The following PDZRN4 variants were observed in gnomAD, a reference collection of about 807,000 sequenced individuals.
PDZRN4 encodes PDZ domain containing ring finger 4, also known as PDZ domain-containing RING finger protein 4.
PDZRN4 carries 70 observed loss-of-function variants against 99.0 expected under a neutral mutation model. The ratio of observed to expected loss-of-function variants is 0.71; its 90% CI spans 0.58 to 0.86. The LOEUF is 0.86. Ranked by LOEUF, PDZRN4 falls within the 40% of genes least tolerant of loss-of-function variation. PDZRN4 has a pLI of 0.00. For synonymous variants in PDZRN4, 551 were observed against 501.6 expected, an observed-to-expected ratio of 1.10 and a Z score of -1.32; for missense variants, 1,474 against 1,331.2, an observed-to-expected ratio of 1.11 and a Z score of -1.67.
chr12:41,482,943 A>T (rs1305148343), intron 3 of PDZRN4, among the ~76,000 whole-genome samples: 1 of 152,028 alleles, frequency 6.6e-6, no homozygotes, highest in Non-Finnish European at 1.5e-5. Context: ...AACATTTTTA[A>T]TATTATGCAA....
chr12:41,246,907 G>A (rs1035143727), intron 3 of PDZRN4, among the ~76,000 whole-genome samples: 2 of 152,058 alleles, frequency 1.3e-5, no homozygotes, highest in African/African-American at 4.8e-5. Flanking sequence ...TACTCTGAAA[G>A]GTACAGAGAT....
intron 3 of PDZRN4, among the ~76,000 whole-genome samples, chr12:41,284,010 G>A (rs1175766613): frequency 1.3e-5 from 2 of 152,098 alleles, no homozygotes; most frequent in Non-Finnish European, 2.9e-5. Flanking sequence ...TTCTGGCCAG[G>A]GTAATCAGGC....
In PDZRN4 at chr12:41,276,022, T is replaced by C. The variant is rs141195542; in HGVS notation, c.843+81834T>C. ...TTATATGCTTTTCTATCTTGGTAGA[T>C]GTGGTTGACTAGCAGTAGTTTCACA... is the stretch of plus-strand genomic sequence containing the variant. On this transcript the variant is annotated intron_variant, in intron 3 of 9. Transcript: ENST00000402685. Among the ~76,000 whole-genome samples the C allele has an allele frequency of 4.8e-3, 729 of 152,262 alleles. 9 individuals are homozygous for C. The highest frequency in any genetic ancestry group is 0.016 in the African/African-American group (674 of 41,550).
chr12:41,481,757 T>C (rs1490704747), intron 3 of PDZRN4, among the ~76,000 whole-genome samples: 2 of 152,132 alleles, frequency 1.3e-5, no homozygotes, highest in Non-Finnish European at 2.9e-5. Context: ...TTATTGTTTA[T>C]CTTTTTTATG....
chr12:41,387,133 A>C (rs947871707), intron 3 of PDZRN4, among the ~76,000 whole-genome samples: 3 of 152,212 alleles, frequency 2.0e-5, no homozygotes, highest in African/African-American at 7.2e-5. Flanking sequence ...ATCTAATTAA[A>C]CTAAAGAGCT....
At chr12:41,501,739 A>G (rs1359109243) in intron 3 of PDZRN4, among the ~76,000 whole-genome samples, 1 of 152,192 alleles carries the variant, frequency 6.6e-6, no homozygotes, top group Non-Finnish European at 1.5e-5. Context: ...GTATCTAAAA[A>G]TTTACATGTG....
At chr12:41,203,940 T>C (rs1327830256) in intron 3 of PDZRN4, among the ~76,000 whole-genome samples, 3 of 151,976 alleles carry the variant, frequency 2.0e-5, no homozygotes, top group Non-Finnish European at 4.4e-5. Flanking sequence ...AATCCCAAAG[T>C]AAATTTCACT....
intron 3 of PDZRN4, among the ~76,000 whole-genome samples, chr12:41,344,856 C>G (rs1402609816): frequency 2.0e-5 from 3 of 151,180 alleles, no homozygotes; most frequent in African/African-American, 4.9e-5. Context: ...TAAAGTGCAG[C>G]TTTTCAAACA....
At chr12:41,466,639 A>AG (rs1044558062) in intron 3 of PDZRN4, among the ~76,000 whole-genome samples, 5 of 151,678 alleles carry the variant, frequency 3.3e-5, no homozygotes, top group African/African-American at 4.8e-5. Flanking sequence ...AAAAACGTGG[A>AG]GGGGGGGACA....
chr12:41,549,755 A>G (rs1302290105), intron 5 of PDZRN4, among the ~76,000 whole-genome samples: 1 of 152,212 alleles, frequency 6.6e-6, no homozygotes, highest in South Asian at 2.1e-4. Context: ...AATTATTTGT[A>G]TGTCTCAAGA....
intron 3 of PDZRN4, among the ~76,000 whole-genome samples, chr12:41,211,466 T>G (rs937894251): frequency 4.8e-5 from 7 of 145,506 alleles, no homozygotes; most frequent in African/African-American, 8.1e-5. Context: ...AATAGATCTG[T>G]TTTTTTTTCT....
intron 3 of PDZRN4, among the ~76,000 whole-genome samples, chr12:41,333,731 T>G (rs1257925451): frequency 6.6e-6 from 1 of 152,152 alleles, no homozygotes; most frequent in African/African-American, 2.4e-5. Context: ...TCATAGACTA[T>G]TGAGCATTAA....
chr12:41,514,448 T>C (rs918133615), intron 5 of PDZRN4, among the ~76,000 whole-genome samples: 3 of 152,094 alleles, frequency 2.0e-5, no homozygotes, highest in Non-Finnish European at 4.4e-5. Context: ...AGGATAATTA[T>C]TAACTACATT....
At chr12:41,261,845 C>T (rs991698160) in intron 3 of PDZRN4, among the ~76,000 whole-genome samples, 10 of 152,086 alleles carry the variant, frequency 6.6e-5, no homozygotes, top group Non-Finnish European at 1.0e-4. Context: ...TCTACCAAAT[C>T]CAGCAATTTA....
chr12:41,244,715 T>C, intron 3 of PDZRN4, among the ~76,000 whole-genome samples: 1 of 141,350 alleles, frequency 7.1e-6, no homozygotes, highest in East Asian at 2.2e-4. Context: ...TCTCGCTCTG[T>C]CGCCCAGGCC....
intron 3 of PDZRN4, among the ~76,000 whole-genome samples, chr12:41,352,191 A>C (rs1049133288): frequency 6.6e-6 from 1 of 152,064 alleles, no homozygotes; most frequent in Non-Finnish European, 1.5e-5. Flanking sequence ...CAGTATTAAC[A>C]GATTAAATGG....
intron 3 of PDZRN4, among the ~76,000 whole-genome samples, chr12:41,375,204 C>G (rs1162023897): frequency 1.3e-5 from 2 of 152,176 alleles, no homozygotes; most frequent in Non-Finnish European, 2.9e-5. Flanking sequence ...AACCACCCAG[C>G]TAAGCTGTTC....
chr12:41,563,021 T>C (rs1274763587), intron 7 of PDZRN4, among the ~76,000 whole-genome samples: 2 of 152,208 alleles, frequency 1.3e-5, no homozygotes, highest in Admixed American at 6.5e-5. Context: ...CTGACGATGA[T>C]GTTTGGGCAA....
At chr12:41,270,311 G>T (rs922217229) in intron 3 of PDZRN4, among the ~76,000 whole-genome samples, 1 of 145,100 alleles carries the variant, frequency 6.9e-6, no homozygotes, top group East Asian at 2.0e-4. Context: ...CTGTGTGTGT[G>T]GTGTGTGTGT....
Sources: allele counts gnomAD v4.1 joint callset (sites outside exome capture counted in the v4.1 genomes callset), GRCh38; gene constraint gnomAD v4.1.1; transcripts MANE v1.5; gene names NCBI Gene and HGNC (gene_info 2026-07-23, HGNC 2026-07-21).